The following LDLRAD4 variants were observed in gnomAD, a reference collection of about 807,000 sequenced individuals.
The protein encoded by LDLRAD4 is low density lipoprotein receptor class A domain containing 4, also known as low-density lipoprotein receptor class A domain-containing protein 4.
A neutral mutation model predicts 17.0 loss-of-function variants in LDLRAD4; 5 were observed. That is an observed-to-expected ratio of 0.29 (90% CI 0.15 to 0.62). LDLRAD4 has a LOEUF of 0.62. LDLRAD4 is among the 20% of genes least tolerant of loss of function. The pLI, the probability that LDLRAD4 is intolerant of heterozygous loss-of-function variation, is 0.84. For synonymous variants in LDLRAD4, 168 were observed against 171.8 expected, an observed-to-expected ratio of 0.98 and a Z score of 0.17; for missense variants, 340 against 424.7, an observed-to-expected ratio of 0.80 and a Z score of 1.75.
At chr18:13,355,115 G>A (rs939056234) in intron 1 of LDLRAD4, among the ~76,000 whole-genome samples, 1 of 152,210 alleles carries the variant, frequency 6.6e-6, no homozygotes, top group African/African-American at 2.4e-5. Context: ...AAGATGCCTG[G>A]TACAGCATTG....
chr18:13,635,158 G>A (rs929468973), intron 4 of LDLRAD4, among the ~76,000 whole-genome samples: 31 of 152,162 alleles, frequency 2.0e-4, no homozygotes, highest in African/African-American at 7.2e-4. Flanking sequence ...ACCGTAGACC[G>A]GGTGGCTTAT....
At chr18:13,544,885 C>CTTTTTTTTTTTTTTTTTT (rs58284452) in intron 3 of LDLRAD4, among the ~76,000 whole-genome samples, 1 of 122,854 alleles carries the variant, frequency 8.1e-6, no homozygotes, top group African/African-American at 3.0e-5. Context: ...GATGGTTTGT[C>CTTTTTTTTTTTTTTTTTT]TTTTTTTTTT....
At chr18:13,525,933 G>A (rs2094024920) in intron 3 of LDLRAD4, 1 of 152,226 alleles carries the variant, frequency 6.6e-6, no homozygotes. Flanking sequence ...CCTCCTGTGT[G>A]TCTATGTGAG....
chr18:13,377,305 A>G lies in LDLRAD4; in HGVS notation c.-382-10036A>G, dbSNP rs183586151. On this transcript the variant is annotated intron_variant, in intron 1 of 5. Transcript: ENST00000359446. Reference sequence around the variant, plus strand: ...GTGGCCAGATTAAGTTATTTCACCAACATGAACTGACTAGGCTGCGTCACG... The same window carrying G: ...GTGGCCAGATTAAGTTATTTCACCAGCATGAACTGACTAGGCTGCGTCACG... Among the ~76,000 whole-genome samples, 53 of 152,308 alleles carry G rather than the reference A, an allele frequency of 3.5e-4. 1 individual carries two copies. In the East Asian group the frequency reaches 0.01, roughly 29 times the overall value.
intron 4 of LDLRAD4, among the ~76,000 whole-genome samples, chr18:13,629,365 ACG>A (rs2041462311): frequency 6.6e-6 from 1 of 152,230 alleles, no homozygotes; most frequent in South Asian, 2.1e-4. Flanking sequence ...AGTGAGACTG[ACG>A]TCCGAGTTAC....
intron 3 of LDLRAD4, among the ~76,000 whole-genome samples, chr18:13,450,837 C>T (rs927478944): frequency 9.2e-5 from 14 of 152,142 alleles, no homozygotes; most frequent in African/African-American, 2.4e-4. Flanking sequence ...CGTGGGGAGA[C>T]GCCTGGGCAG....
intron 1 of LDLRAD4, among the ~76,000 whole-genome samples, chr18:13,272,597 C>T (rs772065599): frequency 4.6e-5 from 7 of 152,244 alleles, no homozygotes; most frequent in African/African-American, 1.2e-4. Flanking sequence ...CCGCGTGCTC[C>T]GTATGTGTTC....
chr18:13,431,659 C>A (rs940961895), intron 2 of LDLRAD4, among the ~76,000 whole-genome samples: 1 of 152,214 alleles, frequency 6.6e-6, no homozygotes, highest in Non-Finnish European at 1.5e-5. Context: ...ATGGGAGCGA[C>A]AAACCATATC....
chr18:13,650,830 G>A (rs1193315113), exon 6 of LDLRAD4: 2 of 153,248 alleles, frequency 1.3e-5, no homozygotes, highest in South Asian at 2.1e-4. Flanking sequence ...ACAGATTAAA[G>A]TCTATGTAGT....
chr18:13,506,466 T>C (rs2093695879), intron 3 of LDLRAD4, among the ~76,000 whole-genome samples: 1 of 150,328 alleles, frequency 6.7e-6, no homozygotes, highest in Non-Finnish European at 1.5e-5. Context: ...CACTTTTAAC[T>C]TTGTTGGTGG....
chr18:13,620,981 G>T (rs996259618), intron 3 of LDLRAD4, 136 bp from the exon 5 acceptor site: 2 of 1,235,974 alleles, frequency 1.6e-6, no homozygotes, highest in Non-Finnish European at 1.2e-6. Context: ...AGTCGTTTCT[G>T]TGTCCTGCTG....
intron 3 of LDLRAD4, among the ~76,000 whole-genome samples, chr18:13,493,483 A>T (rs992752440): frequency 1.3e-5 from 2 of 152,180 alleles, no homozygotes; most frequent in African/African-American, 4.8e-5. Context: ...GGAAAAACAA[A>T]TCATGTTTCC....
chr18:13,580,277 C>G (rs1183417944), intron 3 of LDLRAD4, among the ~76,000 whole-genome samples: 2 of 152,242 alleles, frequency 1.3e-5, no homozygotes, highest in Non-Finnish European at 2.9e-5. Context: ...GAGAGGCTGC[C>G]TGGGTCTAGG....
chr18:13,557,378 G>A (rs888499989), intron 3 of LDLRAD4, among the ~76,000 whole-genome samples: 1 of 152,100 alleles, frequency 6.6e-6, no homozygotes, highest in Non-Finnish European at 1.5e-5. Flanking sequence ...TCAAACACTA[G>A]TGCCTAAGGA....
At chr18:13,394,787 T>C (rs1485185395) in intron 2 of LDLRAD4, among the ~76,000 whole-genome samples, 2 of 152,224 alleles carry the variant, frequency 1.3e-5, no homozygotes, top group African/African-American at 4.8e-5. Context: ...CATGTCTCAT[T>C]AGGTTCTTTG....
intron 3 of LDLRAD4, among the ~76,000 whole-genome samples, chr18:13,535,087 A>C (rs1377245282): frequency 1.3e-5 from 2 of 152,112 alleles, no homozygotes; most frequent in Non-Finnish European, 2.9e-5. Context: ...CATTGACGGA[A>C]CTGTTCATTG....
intron 3 of LDLRAD4, among the ~76,000 whole-genome samples, chr18:13,438,906 A>G (rs8096897): frequency 0.032 from 4,821 of 152,318 alleles, 268 homozygotes; most frequent in African/African-American, 0.11. Context: ...AATTTGAAGA[A>G]GTGGAGTCAG....
rs115771939 is a variant in LDLRAD4 at position 13,432,084 on chromosome 18, C to T, written c.41-6160C>T. 6.5e-3 allele frequency among the ~76,000 whole-genome samples: 984 copies of T among 152,300 alleles called. 17 individuals are homozygous for T. The highest frequency in any genetic ancestry group is 0.023 in the African/African-American group (943 of 41,550). On this transcript the variant is annotated intron_variant, in intron 2 of 5. Transcript: ENST00000359446. Reference sequence around the variant, plus strand: ...AGAGGGATTCACGTTGATAACACGCCGGTGCAGTCTCGCAGCCTACTCAAC... The same window carrying T: ...AGAGGGATTCACGTTGATAACACGCTGGTGCAGTCTCGCAGCCTACTCAAC...
At chr18:13,498,946 C>T (rs1160689779) in intron 3 of LDLRAD4, among the ~76,000 whole-genome samples, 1 of 149,048 alleles carries the variant, frequency 6.7e-6, no homozygotes, top group African/African-American at 2.5e-5. Context: ...GAGAATCCTT[C>T]TCGCCATACA....
Sources: allele counts gnomAD v4.1 joint callset (sites outside exome capture counted in the v4.1 genomes callset), GRCh38; gene constraint gnomAD v4.1.1; transcripts MANE v1.5; gene names NCBI Gene and HGNC (gene_info 2026-07-23, HGNC 2026-07-21).